The following DNMBP variants were observed in gnomAD, a reference collection of about 807,000 sequenced individuals.
DNMBP encodes the protein dynamin-binding protein.
In DNMBP, 87 loss-of-function variants were observed where a neutral mutation model predicts 150.0. That is an observed-to-expected ratio of 0.58 (90% CI 0.49 to 0.69). The LOEUF (loss-of-function observed/expected upper bound fraction) is 0.69, where lower values mean the gene tolerates loss of function less well. Among genes scored for constraint, DNMBP ranks in the 30% least tolerant of loss-of-function variants. DNMBP has a pLI of 0.00. For missense variants in DNMBP, 1,774 were observed against 1,949.0 expected, an observed-to-expected ratio of 0.91 and a Z score of 1.69; for synonymous variants, 711 against 750.4, an observed-to-expected ratio of 0.95 and a Z score of 0.86.
chr10:99,930,412 T>C, intron 4 of DNMBP: 2 of 702,988 alleles, frequency 2.8e-6, no homozygotes, highest in South Asian at 1.5e-5. Flanking sequence ...GTAGGTGAAT[T>C]ATCCTTCGTC....
chr10:100,004,795 C>CA (rs1371728121), intron 1 of DNMBP, among the ~76,000 whole-genome samples: 1 of 152,108 alleles, frequency 6.6e-6, no homozygotes, highest in Non-Finnish European at 1.5e-5. Context: ...ATGGCAAAGA[C>CA]AAAACGAGAA....
chr10:99,962,159 T>C (rs1589440837), intron 3 of DNMBP, among the ~76,000 whole-genome samples: 1 of 152,128 alleles, frequency 6.6e-6, no homozygotes, highest in South Asian at 2.1e-4. Flanking sequence ...ACACTTGTAT[T>C]TTTATATACT....
At chr10:99,933,247 G>T (rs1448742760) in intron 4 of DNMBP, among the ~76,000 whole-genome samples, 1 of 151,268 alleles carries the variant, frequency 6.6e-6, no homozygotes, top group Non-Finnish European at 1.5e-5. Context: ...AATGAGCAGT[G>T]ATTGAGCCAC....
At chr10:99,991,903 C>T (rs1228819862) in intron 1 of DNMBP, among the ~76,000 whole-genome samples, 1 of 110,412 alleles carries the variant, frequency 9.1e-6, no homozygotes, top group African/African-American at 4.2e-5. Context: ...GAGACTCCAC[C>T]TCAAAAAAAA....
chr10:99,954,852 A>C (rs1273253669), intron 4 of DNMBP, among the ~76,000 whole-genome samples: 1 of 151,870 alleles, frequency 6.6e-6, no homozygotes, highest in Non-Finnish European at 1.5e-5. Flanking sequence ...GGAGTTCAAG[A>C]CCAGCCTGGC....
intron 6 of DNMBP, among the ~76,000 whole-genome samples, chr10:99,907,454 G>A (rs980447381): frequency 6.7e-6 from 1 of 148,734 alleles, no homozygotes; most frequent in African/African-American, 2.5e-5. Context: ...GTGGTGTAGT[G>A]GCTCGTGGCG....
At chr10:99,900,921 T>C (rs2039729309) in intron 6 of DNMBP, among the ~76,000 whole-genome samples, 1 of 152,188 alleles carries the variant, frequency 6.6e-6, no homozygotes. Flanking sequence ...CCCCAACTTA[T>C]GATATAGTAA....
intron 15 of DNMBP, among the ~76,000 whole-genome samples, chr10:99,880,618 T>C (rs756860002): frequency 6.6e-6 from 1 of 152,200 alleles, no homozygotes; most frequent in Non-Finnish European, 1.5e-5. Flanking sequence ...GGTTCATTCA[T>C]GTTCACAACC....
chr10:99,961,266 TC>T (rs368477283), intron 3 of DNMBP, among the ~76,000 whole-genome samples: 1,568 of 123,656 alleles, frequency 0.013, 21 homozygotes, highest in Non-Finnish European at 0.021. Context: ...CTTCCCTTTT[TC>T]TTTTTTTTTT....
chr10:99,953,710 T>C (rs1377762929), intron 4 of DNMBP, among the ~76,000 whole-genome samples: 1 of 151,508 alleles, frequency 6.6e-6, no homozygotes, highest in Non-Finnish European at 1.5e-5. Flanking sequence ...ATCTCAGCTA[T>C]TCAGGAGGCT....
At chr10:99,974,716 T>A (rs548587772) in intron 1 of DNMBP, among the ~76,000 whole-genome samples, 1 of 152,242 alleles carries the variant, frequency 6.6e-6, no homozygotes, top group Admixed American at 6.5e-5. Context: ...ACAACCATCA[T>A]CACATCAAAA....
Position 99,879,950 on chromosome 10 carries a change from C to G in DNMBP, c.4409G>C (p.Arg1470Thr). The change falls in exon 16 of 17, where the codon AGG becomes ACG. Residue 1470 changes from arginine (R) to threonine (T), a missense_variant. Arg to Thr is a moderately conservative substitution (Grantham distance 71). Coordinates refer to ENST00000324109, the MANE Select transcript of DNMBP (RefSeq NM_015221.4). ...GGAGTAGCCAACTATTTCTGGATGC[C>G]TGAAGTTCCGGTAGCTCCTCGGCGT... ...TATPRSYRNF[R>T]HPEIVGYSVP... 1 of 1,614,214 alleles carries G rather than the reference C, an allele frequency of 6.2e-7. No homozygotes were observed. Among genetic ancestry groups the G allele is most frequent in the Non-Finnish European group, 8.5e-7 (1 of 1,180,040 alleles).
chr10:99,914,323 T>C (rs1038342872), intron 4 of DNMBP, among the ~76,000 whole-genome samples: 2 of 152,210 alleles, frequency 1.3e-5, no homozygotes, highest in Non-Finnish European at 2.9e-5. Context: ...TTCTACCCCA[T>C]GCTAAGCCTT....
chr10:99,970,800 G>A (rs1244687677), intron 2 of DNMBP, among the ~76,000 whole-genome samples: 3 of 151,202 alleles, frequency 2.0e-5, no homozygotes, highest in Non-Finnish European at 2.9e-5. Flanking sequence ...GTGAAACCCC[G>A]TCTCTACTAA....
intron 16 of DNMBP, among the ~76,000 whole-genome samples, chr10:99,879,422 GATC>G (rs2039329033): frequency 1.3e-5 from 2 of 152,042 alleles, no homozygotes; most frequent in Admixed American, 6.6e-5. Flanking sequence ...AGTGAGCTGA[GATC>G]ATGCATTCCC....
intron 16 of DNMBP, among the ~76,000 whole-genome samples, 175 bp from the exon 17 acceptor site, chr10:99,877,511 A>C (rs45469993): frequency 0.032 from 4,841 of 152,170 alleles, 83 homozygotes; most frequent in South Asian, 0.088. Flanking sequence ...ATTTTAACTA[A>C]AATAAATTTA....
At chr10:99,999,763 G>A (rs1389553362) in intron 1 of DNMBP, among the ~76,000 whole-genome samples, 1 of 152,184 alleles carries the variant, frequency 6.6e-6, no homozygotes, top group Non-Finnish European at 1.5e-5. Flanking sequence ...ACAGTTTCAC[G>A]TATTTACTGG....
intron 4 of DNMBP, among the ~76,000 whole-genome samples, chr10:99,934,740 T>G (rs2040205599): frequency 8.0e-6 from 1 of 125,214 alleles, no homozygotes; most frequent in African/African-American, 3.1e-5. Context: ...AAATAATGCG[T>G]GGGGACAAGA....
chr10:99,913,980 G>T (rs865839364), intron 4 of DNMBP: 2 of 1,479,994 alleles, frequency 1.4e-6, no homozygotes, highest in Non-Finnish European at 1.8e-6. Context: ...GGCTGTGTGT[G>T]GAGGTGTGGG....
Sources: gnomAD v4.1 joint callset for allele counts (sites outside exome capture counted in the v4.1 genomes callset) on GRCh38, gnomAD v4.1.1 for gene constraint, MANE v1.5 for transcripts, NCBI Gene and HGNC (gene_info 2026-07-23, HGNC 2026-07-21) for gene names.